The following PLCL1 variants were observed in gnomAD, a reference collection of about 807,000 sequenced individuals.
PLCL1 encodes inactive phospholipase C-like protein 1.
A neutral mutation model predicts 84.4 loss-of-function variants in PLCL1; 41 were observed. That is an observed-to-expected ratio of 0.49 (90% CI 0.38 to 0.63). The LOEUF (loss-of-function observed/expected upper bound fraction) is 0.63, where lower values mean the gene tolerates loss of function less well. PLCL1 is among the 30% of genes least tolerant of loss of function. The probability of loss-of-function intolerance (pLI) is 0.00; values close to 1 mark genes in which losing one functional copy is unlikely to be tolerated. For missense variants in PLCL1, 1,206 were observed against 1,367.8 expected (o/e 0.88, Z 1.87); for synonymous variants, 490 against 488.3 (o/e 1.00, Z -0.05).
intron 1 of PLCL1, among the ~76,000 whole-genome samples, chr2:198,015,289 A>G (rs1325122016): frequency 2.0e-5 from 3 of 152,176 alleles, no homozygotes; most frequent in Non-Finnish European, 4.4e-5. Context: ...AGCATAATAA[A>G]AAGTGTCACT....
chr2:198,096,828 C>T (rs1311350126), intron 3 of PLCL1, among the ~76,000 whole-genome samples: 2 of 152,118 alleles, frequency 1.3e-5, no homozygotes, highest in Non-Finnish European at 2.9e-5. Context: ...GCTGTCTAAT[C>T]ACGCTTGCAA....
intron 1 of PLCL1, among the ~76,000 whole-genome samples, chr2:197,840,986 A>G (rs1005643626): frequency 6.6e-6 from 1 of 152,194 alleles, no homozygotes; most frequent in Admixed American, 6.5e-5. Context: ...AATTTCTTCA[A>G]CACTTCAGGG....
In PLCL1 at chr2:198,056,370, C is replaced by A. The variant is rs1692074525; in HGVS notation, c.241-27388C>A. ...TGGTGTTTGATCGGAATGCAAACAT[C>A]AGTGGGACAAAGTGGGACTTTTCTG... is the stretch of plus-strand genomic sequence containing the variant. On this transcript the variant is annotated intron_variant, in intron 1 of 5. Coordinates refer to ENST00000428675, the MANE Select transcript of PLCL1 (RefSeq NM_006226.4). Among the ~76,000 whole-genome samples the A allele has an allele frequency of 2.0e-5, 3 of 152,162 alleles. 1 individual carries two copies. The South Asian group carries it at 6.2e-4, about 32-fold the overall frequency.
At chr2:197,946,609 G>A (rs1014269227) in intron 1 of PLCL1, among the ~76,000 whole-genome samples, 14 of 152,144 alleles carry the variant, frequency 9.2e-5, no homozygotes, top group Admixed American at 9.2e-4. Flanking sequence ...AATCAAGGGA[G>A]AATATACTCT....
intron 1 of PLCL1, among the ~76,000 whole-genome samples, chr2:197,992,844 A>G (rs1243411235): frequency 6.6e-6 from 1 of 152,142 alleles, no homozygotes; most frequent in East Asian, 1.9e-4. Context: ...ATGTTGTAGC[A>G]TGTGTTCAAA....
chr2:197,889,810 G>T (rs983675905), intron 1 of PLCL1, among the ~76,000 whole-genome samples: 1 of 151,994 alleles, frequency 6.6e-6, no homozygotes, highest in African/African-American at 2.4e-5. Context: ...TCCTGTGGTT[G>T]GTGTGATTTT....
At chr2:197,939,597 T>C (rs902475422) in intron 1 of PLCL1, among the ~76,000 whole-genome samples, 1 of 152,106 alleles carries the variant, frequency 6.6e-6, no homozygotes, top group East Asian at 1.9e-4. Flanking sequence ...CTCCTTCCTT[T>C]ATAAGAACAA....
chr2:197,808,715 T>C lies in PLCL1; in HGVS notation c.240+3376T>C, dbSNP rs372593426. Among the ~76,000 whole-genome samples the C allele has an allele frequency of 1.9e-4, 29 of 152,320 alleles. 1 individual carries two copies. The highest frequency in any genetic ancestry group is 6.5e-4 in the African/African-American group (27 of 41,556). ...CTGTAGTGCAGTAATAATTGTAATG[T>C]TTTGGAAATAGGAAGCAGCATAGCT... On this transcript the variant is annotated intron_variant, in intron 1 of 5. Transcript: ENST00000428675.
chr2:198,050,854 T>C (rs937269848), intron 1 of PLCL1, among the ~76,000 whole-genome samples: 3 of 152,232 alleles, frequency 2.0e-5, no homozygotes, highest in Non-Finnish European at 2.9e-5. Context: ...AACTATCTCT[T>C]TAGAGGCATC....
At chr2:198,139,141 G>T (rs1694324689) in intron 5 of PLCL1, among the ~76,000 whole-genome samples, 1 of 151,756 alleles carries the variant, frequency 6.6e-6, no homozygotes, top group South Asian at 2.1e-4. Context: ...GGCAACAAGA[G>T]CAAAACTCCG....
intron 5 of PLCL1, among the ~76,000 whole-genome samples, chr2:198,107,060 A>G (rs1183958717): frequency 6.6e-6 from 1 of 151,920 alleles, no homozygotes; most frequent in Non-Finnish European, 1.5e-5. Flanking sequence ...TAAGAGAAAG[A>G]GGTTTAATTG....
intron 5 of PLCL1, among the ~76,000 whole-genome samples, chr2:198,142,884 T>C (rs1432574835): frequency 6.6e-6 from 1 of 152,088 alleles, no homozygotes; most frequent in East Asian, 1.9e-4. Context: ...CGGCAGCAGC[T>C]TGACATTTTT....
At chr2:197,839,426 G>C (rs575363349) in intron 1 of PLCL1, among the ~76,000 whole-genome samples, 2 of 152,194 alleles carry the variant, frequency 1.3e-5, no homozygotes, top group South Asian at 4.2e-4. Context: ...TTCTCATAAG[G>C]GGCATGCAAC....
At chr2:197,886,411 C>CAAAAAAAAAAAAAAAAAAAAAAA (rs61183744) in intron 1 of PLCL1, among the ~76,000 whole-genome samples, 4 of 77,092 alleles carry the variant, frequency 5.2e-5, no homozygotes, top group Non-Finnish European at 2.7e-5. Flanking sequence ...GACTCTGTCT[C>CAAAAAAAAAAAAAAAAAAAAAAA]AAAAAAAAAA....
At chr2:197,929,894 C>T (rs1034838615) in intron 1 of PLCL1, among the ~76,000 whole-genome samples, 1 of 152,144 alleles carries the variant, frequency 6.6e-6, no homozygotes, top group African/African-American at 2.4e-5. Context: ...AAATAACATA[C>T]TTAATTTCAA....
intron 1 of PLCL1, among the ~76,000 whole-genome samples, chr2:197,983,179 T>C (rs13000632): frequency 6.8e-6 from 1 of 147,490 alleles, no homozygotes; most frequent in Non-Finnish European, 1.5e-5. Context: ...TTCTTTTTTC[T>C]TTTTCTTTTT....
rs1211200586 is a variant in PLCL1 at position 197,804,866 on chromosome 2, C to T, written c.-234C>T. ...TCGCCTCCCCACTCCCGCCACCGTC[C>T]CCCGCCGGACTGCTAGCCTCCTAGA... On this transcript the variant is annotated 5_prime_UTR_variant, in exon 1 of 6. Transcript: ENST00000428675. 3 of 414,026 alleles carry T rather than the reference C, an allele frequency of 7.2e-6. No individual in the cohort carries two copies. The highest frequency in any genetic ancestry group is 1.3e-5 in the Non-Finnish European group (3 of 235,118). 25.6% of individuals were successfully genotyped at this position (414,026 alleles called of 1,614,324 possible).
chr2:198,118,803 T>C (rs1227979973), intron 5 of PLCL1, among the ~76,000 whole-genome samples: 3 of 152,036 alleles, frequency 2.0e-5, no homozygotes, highest in Admixed American at 1.3e-4. Context: ...GTAGTTACCA[T>C]GAAGTTGTCA....
intron 1 of PLCL1, among the ~76,000 whole-genome samples, chr2:197,886,952 A>G (rs1019395206): frequency 6.6e-6 from 1 of 152,220 alleles, no homozygotes; most frequent in Admixed American, 6.5e-5. Context: ...AGCTGCTTTA[A>G]CATACATTAT....
Sources: allele counts gnomAD v4.1 joint callset (sites outside exome capture counted in the v4.1 genomes callset), GRCh38; gene constraint gnomAD v4.1.1; transcripts MANE v1.5; gene names NCBI Gene and HGNC (gene_info 2026-07-23, HGNC 2026-07-21).